ZNF208: variants seen among roughly 807,000 people sequenced by gnomAD.
ZNF208 encodes zinc finger protein 95.
A neutral mutation model predicts 12.1 loss-of-function variants in ZNF208; 10 were observed. The observed-to-expected ratio is 0.83, with a 90% CI of 0.51 to 1.40. The LOEUF is 1.40. Among genes scored for constraint, ZNF208 ranks in the 40% most tolerant of loss-of-function variants. The pLI, the probability that ZNF208 is intolerant of heterozygous loss-of-function variation, is 0.00. For synonymous variants in ZNF208, 497 were observed against 488.4 expected (o/e 1.02, Z -0.23); for missense variants, 1,652 against 1,485.0 (o/e 1.11, Z -1.85).
chr19:21,973,972 T>C lies in ZNF208; in HGVS notation c.1062A>G (p.Ser354=). The C allele has an allele frequency of 2.5e-6, 4 of 1,613,308 alleles. No individual in the cohort carries two copies. Among genetic ancestry groups the C allele is most frequent in the African/African-American group, 1.3e-5 (1 of 74,986 alleles). ...GAATTACCTTATGTTTAGTAAGGAT[T>C]GAGAACTTACTAAAGGCTTTGCCAC... ...KECGKAFSKF[S]ILTKHKVIHT... Residue 354 remains serine, a synonymous_variant, in exon 4 of 4, where the codon TCA becomes TCG. Coordinates refer to ENST00000397126, the MANE Select transcript of ZNF208 (RefSeq NM_007153.3).
Position 21,972,889 on chromosome 19 carries a change from A to G in ZNF208, c.2145T>C (p.His715=), listed in dbSNP as rs767452395. Residue 715 remains histidine (H), a synonymous_variant, in exon 4 of 4, where the codon CAT becomes CAC. Transcript: ENST00000397126. The stretch of plus-strand genomic sequence containing the variant: ...CACATTTGTAGGGTTTCTCTCCAGT[A>G]TGAATTCTCTTATGTTCCATAAGGT... ...SSNLMEHKRI[H]TGEKPYKCEE... 3 of 1,569,082 alleles carry G rather than the reference A, an allele frequency of 1.9e-6. No homozygotes were observed. Among genetic ancestry groups the G allele is most frequent in the Non-Finnish European group, 2.6e-6 (3 of 1,158,324 alleles).
At chr19:21,943,011 G>A (rs1396626467) in intron 4 of ZNF208, among the ~76,000 whole-genome samples, 3 of 152,068 alleles carry the variant, frequency 2.0e-5, no homozygotes, top group Non-Finnish European at 4.4e-5. Context: ...TTATCAAGTT[G>A]CTTGTAGTAA....
chr19:22,009,106 G>GA (rs1440661630), intron 1 of ZNF208, among the ~76,000 whole-genome samples: 3 of 152,024 alleles, frequency 2.0e-5, no homozygotes, highest in African/African-American at 7.2e-5. Context: ...GAAAACAGAA[G>GA]AAAAAATATT....
At chr19:22,004,138 C>A (rs145081094) in intron 1 of ZNF208, among the ~76,000 whole-genome samples, 4,283 of 152,130 alleles carry the variant, frequency 0.028, 87 homozygotes, top group Admixed American at 0.061. Flanking sequence ...AAGATCACAC[C>A]ACTGCACTCC....
rs1970177979 is a variant in ZNF208, at chr19:21,966,789, C to A, written c.*4402G>T. 1 of 152,074 alleles carries A rather than the reference C, an allele frequency of 6.6e-6. No individual in the cohort carries two copies. The allele number at this position is 152,074 out of a possible 1,614,324, so 9.4% of individuals were successfully genotyped here. The stretch of plus-strand genomic sequence containing the variant: ...CTTATTTATCTTACTTTTAATAAGT[C>A]ATTCTTACTGGTATGAAATAGTATC... On this transcript the variant is annotated 3_prime_UTR_variant, in exon 4 of 4. Coordinates refer to ENST00000397126, the MANE Select transcript of ZNF208 (RefSeq NM_007153.3).
intron 4 of ZNF208, chr19:21,940,944 C>A (rs1969728727): frequency 1.2e-5 from 2 of 164,870 alleles, no homozygotes; most frequent in Non-Finnish European, 2.6e-5. Flanking sequence ...CGGCTTTGAG[C>A]CGAGGCATCC....
chr19:21,950,812 A>C (rs910388157), intron 4 of ZNF208, among the ~76,000 whole-genome samples: 2 of 152,118 alleles, frequency 1.3e-5, no homozygotes, highest in African/African-American at 4.8e-5. Flanking sequence ...CTGTTCATAA[A>C]AGGCCTCAAC....
At position 21,972,005 on chromosome 19, in the gene ZNF208, A is replaced by G. The variant is rs1255687341; in HGVS notation, c.3029T>C (p.Phe1010Ser). Residue 1010 changes from phenylalanine (F) to serine (S), a missense_variant, in exon 4 of 4, where the codon TTC becomes TCC. Phe to Ser is a radical substitution (Grantham distance 155). Transcript: ENST00000397126. The part of the protein sequence containing the change: ...PYKCEECGKA[F>S]NWSSNLMEHK... ...TTCCATAAGGTTTGATGACCAGTTG[A>G]AAGCTTTGCCACATTCTTCACATTT... is the stretch of plus-strand genomic sequence containing the variant. 1 of 1,612,180 alleles carries G rather than the reference A, an allele frequency of 6.2e-7. No individual in the cohort carries two copies. The highest frequency in any genetic ancestry group is 1.7e-5 in the Admixed American group (1 of 59,846).
chr19:21,941,778 G>A (rs558134000), intron 4 of ZNF208, among the ~76,000 whole-genome samples: 1 of 152,136 alleles, frequency 6.6e-6, no homozygotes, highest in Non-Finnish European at 1.5e-5. Flanking sequence ...TTCAAAGTTT[G>A]ATTATTTATC....
At chr19:21,955,475 T>C (rs1969958895) in intron 4 of ZNF208, among the ~76,000 whole-genome samples, 1 of 152,240 alleles carries the variant, frequency 6.6e-6, no homozygotes, top group African/African-American at 2.4e-5. Context: ...CAATCAGACG[T>C]AGATTTGGTC....
intron 4 of ZNF208, among the ~76,000 whole-genome samples, chr19:21,957,131 C>T (rs1269062332): frequency 6.6e-6 from 1 of 152,130 alleles, no homozygotes; most frequent in African/African-American, 2.4e-5. Context: ...CCTCTGCCTC[C>T]CAGGTTCAAG....
downstream of ZNF208, among the ~76,000 whole-genome samples, chr19:21,964,071 A>G (rs781581735): frequency 3.3e-5 from 5 of 152,078 alleles, no homozygotes; most frequent in African/African-American, 9.6e-5. Flanking sequence ...TATTTTATAC[A>G]TATACTAAAA....
At chr19:21,975,497 C>A (rs1987975) in intron 3 of ZNF208, among the ~76,000 whole-genome samples, 88,748 of 151,894 alleles carry the variant, frequency 0.58, 26,183 homozygotes, top group East Asian at 0.69. Flanking sequence ...AATCTTAACC[C>A]AGACCATTGT....
intron 2 of ZNF208, 32 bp downstream of exon 2, chr19:21,988,751 T>C (rs755514476): frequency 6.2e-7 from 1 of 1,607,628 alleles, no homozygotes; most frequent in Non-Finnish European, 8.5e-7. Flanking sequence ...CTGTAGTGTA[T>C]ACTAGGAATT....
chr19:21,980,596 TG>T (rs1970520206), intron 3 of ZNF208, among the ~76,000 whole-genome samples: 1 of 152,216 alleles, frequency 6.6e-6, no homozygotes, highest in East Asian at 1.9e-4. Context: ...TAGCACTAAA[TG>T]CCCACAAAAG....
chr19:21,996,841 T>C (rs572485955), intron 1 of ZNF208, among the ~76,000 whole-genome samples: 1 of 152,242 alleles, frequency 6.6e-6, no homozygotes, highest in Non-Finnish European at 1.5e-5. Context: ...CCTATGAAGT[T>C]TGTAGAAATC....
At chr19:21,980,926 A>G (rs1414272838) in intron 3 of ZNF208, among the ~76,000 whole-genome samples, 2 of 152,186 alleles carry the variant, frequency 1.3e-5, no homozygotes, top group Non-Finnish European at 2.9e-5. Flanking sequence ...AGACAATACT[A>G]TAAACATCTC....
chr19:21,975,579 C>T (rs983342003), intron 3 of ZNF208, among the ~76,000 whole-genome samples: 4 of 152,010 alleles, frequency 2.6e-5, no homozygotes, highest in African/African-American at 9.6e-5. Flanking sequence ...GTCCAAATCT[C>T]AAAGATTAAA....
At chr19:21,962,865 C>T (rs7253518), downstream of ZNF208, among the ~76,000 whole-genome samples, 84,699 of 151,826 alleles carry the variant, frequency 0.56, 23,873 homozygotes, top group East Asian at 0.69. Flanking sequence ...ATCTAGCAAA[C>T]ATAGAGCAGA....
Sources: gnomAD v4.1 joint callset for allele counts (sites outside exome capture counted in the v4.1 genomes callset) on GRCh38, gnomAD v4.1.1 for gene constraint, MANE v1.5 for transcripts, NCBI Gene and HGNC (gene_info 2026-07-23, HGNC 2026-07-21) for gene names.